PCDH8: variants seen among roughly 807,000 people sequenced by gnomAD.
PCDH8 encodes the protein protocadherin-8.
A neutral mutation model predicts 58.2 loss-of-function variants in PCDH8; 36 were observed. That is an observed-to-expected ratio of 0.62 (90% CI 0.47 to 0.82). The LOEUF (loss-of-function observed/expected upper bound fraction) is 0.82. Ranked by LOEUF, PCDH8 falls within the 40% of genes least tolerant of loss-of-function variation. PCDH8 has a pLI of 0.00. For missense variants in PCDH8, 1,493 were observed against 1,567.8 expected, an observed-to-expected ratio of 0.95 and a Z score of 0.81; for synonymous variants, 775 against 728.9, an observed-to-expected ratio of 1.06 and a Z score of -1.02.
chr13:52,847,523 C>T lies in PCDH8; in HGVS notation c.914G>A (p.Arg305His). 1.3e-6 allele frequency: 2 copies of T among 1,581,630 alleles called. No homozygotes were observed. Among genetic ancestry groups the T allele is most frequent in the Non-Finnish European group, 1.7e-6 (2 of 1,170,766 alleles). Residue 305 changes from arginine (R) to histidine (H), a missense_variant, in exon 1 of 3, where the codon CGC becomes CAC. Transcript: ENST00000377942. ...GTCCACGGGCCCGGCCAGGGTGAGGCGGCCTGATCGCGGGTCAAGCCGAAA... is the reference window on the plus strand; with the variant it reads ...GTCCACGGGCCCGGCCAGGGTGAGGTGGCCTGATCGCGGGTCAAGCCGAAA... ...RLFRLDPRSG[R>H]LTLAGPVDYE...
rs751159252 is a variant in PCDH8, at chr13:52,847,444, G to A, written c.993C>T (p.Pro331=). Residue 331 remains proline (P), a synonymous_variant, in exon 1 of 3, where the codon CCC becomes CCT. Transcript: ENST00000377942. The part of the protein sequence containing the change: ...ELDVRAQDRG[P]GPRAATCKVI... ...CCTTGCAGGTGGCAGCGCGGGGCCC[G>A]GGTCCGCGGTCCTGCGCCCGCACGT... 15 of 1,586,546 alleles carry A rather than the reference G, an allele frequency of 9.5e-6. No individual in the cohort carries two copies. The highest frequency in any genetic ancestry group is 1.7e-4 in the Middle Eastern group (1 of 6,024).
rs763423433 is a variant in PCDH8, at chr13:52,844,520, C to T, written c.*40G>A. On this transcript the variant is annotated 3_prime_UTR_variant, in exon 3 of 3. Transcript: ENST00000377942. ...ACCGGTCAATAACTTAGGGGCTTCT[C>T]GGAGTGACCTGTATATGTGTGAAGA... The T allele has an allele frequency of 8.7e-5, 131 of 1,498,570 alleles. No individual in the cohort carries two copies. The highest frequency in any genetic ancestry group is 6.3e-5 in the Non-Finnish European group (71 of 1,120,766). 92.8% of individuals were successfully genotyped at this position (1,498,570 alleles called of 1,614,324 possible).
At position 52,846,953 on chromosome 13, in the gene PCDH8, G is replaced by C; in HGVS notation, c.1484C>G (p.Pro495Arg). The C allele has an allele frequency of 2.5e-6, 4 of 1,596,454 alleles. No homozygotes were observed. The highest frequency in any genetic ancestry group is 3.4e-6 in the Non-Finnish European group (4 of 1,174,502). ...CTCATAGACCGGCCGCGTGAAGAGC[G>C]GCGCGTTGTCGTTCTCGTCGCCCAC... ...VRVGDENDNA[P>R]LFTRPVYEVS... Residue 495 changes from proline to arginine, a missense_variant, in exon 1 of 3, where the codon CCG becomes CGG. Around this residue, in one of 3 missense-constraint regions of PCDH8, gnomAD observed 1,307 missense variants for 1,362.7 expected, o/e 0.96. Coordinates refer to ENST00000377942, the MANE Select transcript of PCDH8 (RefSeq NM_002590.4).
Position 52,846,401 on chromosome 13 carries a change from T to A in PCDH8, c.2036A>T (p.Gln679Leu), listed in dbSNP as rs200180011. Reference protein sequence around the residue: ...GEILLTGDLSQEPPGRVFRAL... With the variant: ...GEILLTGDLSLEPPGRVFRAL... Reference sequence around the variant, plus strand: ...CCTGAACACGCGACCGGGTGGCTCCTGCGAGAGGTCGCCGGTGAGCAGTAT... The same window carrying A: ...CCTGAACACGCGACCGGGTGGCTCCAGCGAGAGGTCGCCGGTGAGCAGTAT... Residue 679 changes from glutamine (Q) to leucine (L), a missense_variant, in exon 1 of 3, where the codon CAG becomes CTG. Coordinates refer to ENST00000377942, the MANE Select transcript of PCDH8 (RefSeq NM_002590.4). 791 of 1,595,188 alleles carry A rather than the reference T, an allele frequency of 5.0e-4. 1 individual carries two copies. The highest frequency in any genetic ancestry group is 6.5e-4 in the Non-Finnish European group (767 of 1,174,448).
chr13:52,846,318 T>C lies in PCDH8; in HGVS notation c.2119A>G (p.Ser707Gly). 1 of 1,571,124 alleles carries C rather than the reference T, an allele frequency of 6.4e-7. No homozygotes were observed. The highest frequency in any genetic ancestry group is 8.6e-7 in the Non-Finnish European group (1 of 1,160,436). Residue 707 changes from serine (S) to glycine (G), a missense_variant, in exon 1 of 3, where the codon AGC becomes GGC. Ser to Gly is a moderately conservative substitution (Grantham distance 56). Coordinates refer to ENST00000377942, the MANE Select transcript of PCDH8 (RefSeq NM_002590.4). ...CCGCCCCCTGCTGTTACCACGAAGCTGACAGTTGCGGTGGTGGTGAGCGGG... is the reference window on the plus strand; with the variant it reads ...CCGCCCCCTGCTGTTACCACGAAGCCGACAGTTGCGGTGGTGGTGAGCGGG... ...RPPLTTTATVSFVVTAGGGRG... is the reference protein window; with the variant it reads ...RPPLTTTATVGFVVTAGGGRG...
Position 52,847,979 on chromosome 13 carries a change from C to A in PCDH8, c.458G>T (p.Arg153Leu), listed in dbSNP as rs1263350489. The A allele has an allele frequency of 4.3e-6, 7 of 1,609,570 alleles. No individual in the cohort carries two copies. Among genetic ancestry groups the A allele is most frequent in the East Asian group, 2.2e-5 (1 of 44,836 alleles). The change falls in exon 1 of 3, where the codon CGC becomes CTC. Residue 153 changes from arginine (R) to leucine (L), a missense_variant. By Grantham distance (102) the Arg-to-Leu change is moderately radical. Coordinates refer to ENST00000377942, the MANE Select transcript of PCDH8 (RefSeq NM_002590.4). ...EVSEGAAVGT[R>L]IPLEVPVDED... is the part of the protein sequence containing the mutation. ...GTCCACCGGCACCTCCAAGGGGATG[C>A]GCGTGCCCACTGCCGCACCCTCGGA...
rs1450197111 is a variant in PCDH8, at chr13:52,844,318, C to A, written c.*242G>T. On this transcript the variant is annotated 3_prime_UTR_variant, in exon 3 of 3. Transcript: ENST00000377942. The stretch of plus-strand genomic sequence containing the variant: ...TAAAAACACTAAGAAAATGGCAAGC[C>A]GCAATTGAAATCAAAGTCAATAGCA... The A allele has an allele frequency of 3.1e-6, 1 of 320,772 alleles. No individual in the cohort carries two copies. Among genetic ancestry groups the A allele is most frequent in the Non-Finnish European group, 5.7e-6 (1 of 175,638 alleles). The allele number at this position is 320,772 out of a possible 1,614,324, so 19.9% of individuals were successfully genotyped here.
At position 52,845,433 on chromosome 13, in the gene PCDH8, A is replaced by T; in HGVS notation, c.2831T>A (p.Met944Lys). The T allele has an allele frequency of 1.2e-6, 2 of 1,613,794 alleles. No homozygotes were observed. The highest frequency in any genetic ancestry group is 1.3e-5 in the African/African-American group (1 of 75,048). Reference sequence around the variant, plus strand: ...GAAAGAAGAGTCCTCACCACTCTGCATGTGGTTGATGAGATCCTTTTTCAG... The same window carrying T: ...GAAAGAAGAGTCCTCACCACTCTGCTTGTGGTTGATGAGATCCTTTTTCAG... ...DALKKDLINH[M>K]QSGLWACTAE... The change falls in exon 2 of 3, where the codon ATG becomes AAG. Residue 944 changes from methionine to lysine, a missense_variant. Coordinates refer to ENST00000377942, the MANE Select transcript of PCDH8 (RefSeq NM_002590.4).
rs374758530 is a variant in PCDH8 at position 52,847,358 on chromosome 13, G to A, written c.1079C>T (p.Ala360Val). 5 of 1,491,352 alleles carry A rather than the reference G, an allele frequency of 3.4e-6. No homozygotes were observed. Among genetic ancestry groups the A allele is most frequent in the Non-Finnish European group, 4.4e-6 (5 of 1,126,362 alleles). 92.4% of individuals were successfully genotyped at this position (1,491,352 alleles called of 1,614,324 possible). A position where few individuals can be genotyped will look rare whatever the true frequency, so the allele number is the denominator to read the frequency against. ...NAPDIAITPL[A>V]APGAPATSPF... is the part of the protein sequence containing the mutation. The stretch of plus-strand genomic sequence containing the variant: ...TGAGGTTGCCGGCGCGCCTGGGGCG[G>A]CCAGCGGGGTGATGGCGATGTCGGG... Residue 360 changes from alanine to valine, a missense_variant, in exon 1 of 3, where the codon GCC becomes GTC. Transcript: ENST00000377942.
rs371340380 is a variant in PCDH8 at position 52,847,084 on chromosome 13, G to A, written c.1353C>T (p.Thr451=). ...TGCGTTCGCGGTCCAGCGACGCCGCGGTCACCACCAGGTAGCTGCCCGCGT... is the reference window on the plus strand; with the variant it reads ...TGCGTTCGCGGTCCAGCGACGCCGCAGTCACCACCAGGTAGCTGCCCGCGT... The part of the protein sequence containing the change: ...PAYAGSYLVV[T]AASLDRERIA... The change falls in exon 1 of 3, where the codon ACC becomes ACT. Residue 451 remains threonine (T), a synonymous_variant. Transcript: ENST00000377942. 33 of 1,557,718 alleles carry A rather than the reference G, an allele frequency of 2.1e-5. No individual in the cohort carries two copies. In the African/African-American group the frequency reaches 3.9e-4, roughly 18 times the overall value.
Position 52,846,970 on chromosome 13 carries a change from G to T in PCDH8, c.1467C>A (p.Asp489Glu). 6.3e-7 allele frequency: 1 copy of T among 1,595,100 alleles called. No individual in the cohort carries two copies. Among genetic ancestry groups the T allele is most frequent in the Non-Finnish European group, 8.5e-7 (1 of 1,173,886 alleles). The change falls in exon 1 of 3, where the codon GAC becomes GAA. Residue 489 changes from aspartate (D) to glutamate (E), a missense_variant. Asp to Glu is a conservative substitution (Grantham distance 45). Around this residue, in one of 3 missense-constraint regions of PCDH8, gnomAD observed 1,307 missense variants for 1,362.7 expected, o/e 0.96. Coordinates refer to ENST00000377942, the MANE Select transcript of PCDH8 (RefSeq NM_002590.4). ...TGAAGAGCGGCGCGTTGTCGTTCTC[G>T]TCGCCCACACGCACCGTGTAGGGCC... The part of the protein sequence containing the change: ...TVRPYTVRVG[D>E]ENDNAPLFTR...
rs145276003 is a variant in PCDH8 at position 52,846,643 on chromosome 13, G to T, written c.1794C>A (p.Arg598=). The change falls in exon 1 of 3, where the codon CGC becomes CGA. Residue 598 remains arginine, a synonymous_variant. Transcript: ENST00000377942. ...QLSSSALVQV[R]VLDQNDHAPV... Reference sequence around the variant, plus strand: ...GCGCATGGTCGTTCTGGTCCAGCACGCGCACTTGCACTAGGGCGCTGCTGG... The same window carrying T: ...GCGCATGGTCGTTCTGGTCCAGCACTCGCACTTGCACTAGGGCGCTGCTGG... 3.2e-5 allele frequency: 51 copies of T among 1,604,058 alleles called. No homozygotes were observed. The African/African-American group carries it at 3.3e-4, about 10-fold the overall frequency.
In PCDH8 at chr13:52,846,074, C is replaced by T. The variant is rs764198033; in HGVS notation, c.2363G>A (p.Arg788Gln). The T allele has an allele frequency of 1.9e-6, 3 of 1,551,592 alleles. No homozygotes were observed. Among genetic ancestry groups the T allele is most frequent in the East Asian group, 4.9e-5 (2 of 40,426 alleles). ...KKEVRKGGAL[R>Q]EERPGAAGGG... ...GCCCGCCGCCCCGGGCCGCTCTTCC[C>T]GGAGGGCCCCCCCTTTGCGCACCTC... Residue 788 changes from arginine to glutamine, a missense_variant, in exon 1 of 3, where the codon CGG becomes CAG. Physicochemically the swap from Arg to Gln is conservative, Grantham distance 43. Around this residue, in one of 3 missense-constraint regions of PCDH8, gnomAD observed 1,307 missense variants for 1,362.7 expected, o/e 0.96. Transcript: ENST00000377942.
Position 52,845,943 on chromosome 13 carries a change from AG to A in PCDH8, c.2493del (p.Phe832LeufsTer105), listed in dbSNP as rs1188622833. The A allele has an allele frequency of 6.7e-7, 1 of 1,488,652 alleles. No homozygotes were observed. The allele number at this position is 1,488,652 out of a possible 1,614,324, so 92.2% of individuals were successfully genotyped here. On this transcript the variant is annotated frameshift_variant, in exon 1 of 3. Coordinates refer to ENST00000377942, the MANE Select transcript of PCDH8 (RefSeq NM_002590.4). LOFTEE classifies it high-confidence loss of function. ...VLTFPGTGKA[P>X]FGSPAADAPP... Reference sequence around the variant, plus strand: ...GGCGCGTCCGCCGCGGGGCTGCCAAAGGGCGCTTTGCCGGTGCCAGGGAAGG... The same window carrying A: ...GGCGCGTCCGCCGCGGGGCTGCCAAAGGCGCTTTGCCGGTGCCAGGGAAGG...
chr13:52,847,065 C>G lies in PCDH8; in HGVS notation c.1372G>C (p.Glu458Gln). The G allele has an allele frequency of 6.4e-7, 1 of 1,560,620 alleles. No individual in the cohort carries two copies. Among genetic ancestry groups the G allele is most frequent in the Non-Finnish European group, 8.6e-7 (1 of 1,157,034 alleles). Residue 458 changes from glutamate (E) to glutamine (Q), a missense_variant, in exon 1 of 3, where the codon GAA becomes CAA. Glu to Gln is a conservative substitution (Grantham distance 29, BLOSUM62 2). Coordinates refer to ENST00000377942, the MANE Select transcript of PCDH8 (RefSeq NM_002590.4). Reference protein sequence around the residue: ...LVVTAASLDRERIAEYNLTLV... With the variant: ...LVVTAASLDRQRIAEYNLTLV... The stretch of plus-strand genomic sequence containing the variant: ...GTCAAGTTGTACTCGGCGATGCGTT[C>G]GCGGTCCAGCGACGCCGCGGTCACC...
chr13:52,847,893 G>A lies in PCDH8; in HGVS notation c.544C>T (p.Arg182Cys), dbSNP rs766487172. Residue 182 changes from arginine to cysteine, a missense_variant, in exon 1 of 3, where the codon CGC becomes TGC. By Grantham distance (180) the Arg-to-Cys change is radical. Around this residue, in one of 3 missense-constraint regions of PCDH8, gnomAD observed 1,307 missense variants for 1,362.7 expected, o/e 0.96. Transcript: ENST00000377942. ...VRLAEPHSPF[R>C]VELQTRADGA... is the part of the protein sequence containing the mutation. ...TCCGCTCGCGTCTGCAGCTCCACGC[G>A]AAAGGGGCTGTGCGGCTCGGCCAGG... 4.7e-5 allele frequency: 74 copies of A among 1,566,084 alleles called. No individual in the cohort carries two copies. Among genetic ancestry groups the A allele is most frequent in the Non-Finnish European group, 6.0e-5 (70 of 1,160,558 alleles).
At position 52,846,558 on chromosome 13, in the gene PCDH8, T is replaced by C; in HGVS notation, c.1879A>G (p.Thr627Ala). ...GSLEVAVPGRTAKDTVVARVQ... is the reference protein window; with the variant it reads ...GSLEVAVPGRAAKDTVVARVQ... Reference sequence around the variant, plus strand: ...CGGGCCACAACCGTGTCCTTTGCGGTGCGCCCAGGCACCGCCACTTCTAGG... The same window carrying C: ...CGGGCCACAACCGTGTCCTTTGCGGCGCGCCCAGGCACCGCCACTTCTAGG... Residue 627 changes from threonine (T) to alanine (A), a missense_variant, in exon 1 of 3, where the codon ACC (threonine) becomes GCC (alanine). By Grantham distance (58) the Thr-to-Ala change is moderately conservative (BLOSUM62 0). This residue lies in a region of PCDH8 where 1,307 missense variants were observed against 1,362.7 expected (regional missense o/e 0.96). Transcript: ENST00000377942. The C allele has an allele frequency of 6.2e-7, 1 of 1,602,458 alleles. No individual in the cohort carries two copies. Among genetic ancestry groups the C allele is most frequent in the East Asian group, 2.2e-5 (1 of 44,800 alleles).
In PCDH8 at chr13:52,848,570, G is replaced by A; in HGVS notation, c.-134C>T. 2 of 1,422,090 alleles carry A rather than the reference G, an allele frequency of 1.4e-6. No homozygotes were observed. Among genetic ancestry groups the A allele is most frequent in the South Asian group, 1.5e-5 (1 of 65,612 alleles). The allele number at this position is 1,422,090 out of a possible 1,614,324, so 88.1% of individuals were successfully genotyped here. On this transcript the variant is annotated 5_prime_UTR_variant, in exon 1 of 3. Transcript: ENST00000377942. Reference sequence around the variant, plus strand: ...GGAGAAGTCTGCGGGTAGCAGCTCCGAGCCTCCAGCGGGCTCTGAGGACGC... The same window carrying A: ...GGAGAAGTCTGCGGGTAGCAGCTCCAAGCCTCCAGCGGGCTCTGAGGACGC...
At position 52,847,708 on chromosome 13, in the gene PCDH8, C is replaced by T. The variant is rs1593427118; in HGVS notation, c.729G>A (p.Pro243=). The T allele has an allele frequency of 1.3e-6, 2 of 1,540,108 alleles. No homozygotes were observed. Among genetic ancestry groups the T allele is most frequent in the Non-Finnish European group, 8.7e-7 (1 of 1,151,854 alleles). ...VRVLDANDHS[P]AFPQGAVAEV... ...CGGCCACGGCGCCCTGCGGGAAGGC[C>T]GGGCTGTGGTCATTCGCATCCAGGA... Residue 243 remains proline (P), a synonymous_variant, in exon 1 of 3, where the codon CCG becomes CCA. Transcript: ENST00000377942.
Sources: gnomAD v4.1 joint callset for allele counts on GRCh38, gnomAD v4.1.1 for gene constraint, gnomAD v4.1.1 regional missense constraint, MANE v1.5 for transcripts, NCBI Gene and HGNC (gene_info 2026-07-23, HGNC 2026-07-21) for gene names.